DAB1: variants seen among roughly 807,000 people sequenced by gnomAD.
The protein encoded by DAB1 is DAB adaptor protein 1, also known as disabled homolog 1.
A neutral mutation model predicts 64.6 loss-of-function variants in DAB1; 15 were observed. The observed-to-expected ratio is 0.23, with a 90% CI of 0.16 to 0.36. DAB1 has a LOEUF of 0.36. Among genes scored for constraint, DAB1 ranks in the 10% least tolerant of loss-of-function variants. The probability of loss-of-function intolerance (pLI) is 1.00; values close to 1 mark genes in which losing one functional copy is unlikely to be tolerated. For missense variants in DAB1, 596 were observed against 706.7 expected (o/e 0.84, Z 1.78); for synonymous variants, 235 against 251.9 (o/e 0.93, Z 0.64).
chr1:58,043,734 A>AT (rs11440866), intron 5 of DAB1, among the ~76,000 whole-genome samples: 12,563 of 147,594 alleles, frequency 0.085, 1,576 homozygotes, highest in African/African-American at 0.28. Context: ...CACAACCCAC[A>AT]TTTTTTTTTT....
chr1:57,999,716 G>C (rs541364627), intron 5 of DAB1, among the ~76,000 whole-genome samples: 1 of 152,218 alleles, frequency 6.6e-6, no homozygotes, highest in East Asian at 1.9e-4. Context: ...GAATTTTCCA[G>C]CCCAAATGTC....
chr1:57,917,183 C>T (rs954152767), intron 5 of DAB1, among the ~76,000 whole-genome samples: 6 of 152,150 alleles, frequency 3.9e-5, no homozygotes, highest in African/African-American at 1.4e-4. Context: ...TGTTCCCCTC[C>T]CCTCCCCATG....
chr1:57,387,694 C>T (rs185623861), intron 1 of DAB1, among the ~76,000 whole-genome samples: 87 of 152,040 alleles, frequency 5.7e-4, no homozygotes, highest in Non-Finnish European at 7.9e-4. Context: ...TGGTGGCGCA[C>T]ACCTGTAGTC....
chr1:58,117,344 T>A (rs1346995155), intron 5 of DAB1, among the ~76,000 whole-genome samples: 3 of 152,214 alleles, frequency 2.0e-5, no homozygotes, highest in Non-Finnish European at 4.4e-5. Context: ...AGAATCAGAA[T>A]AATTATTCCA....
chr1:57,785,541 C>T (rs1180678357), intron 6 of DAB1, among the ~76,000 whole-genome samples: 1 of 152,092 alleles, frequency 6.6e-6, no homozygotes, highest in Admixed American at 6.6e-5. Flanking sequence ...TTCCAGCCTT[C>T]ATGGATGACT....
At chr1:57,989,481 G>C (rs1052329369) in intron 5 of DAB1, among the ~76,000 whole-genome samples, 3 of 152,140 alleles carry the variant, frequency 2.0e-5, no homozygotes, top group Non-Finnish European at 4.4e-5. Flanking sequence ...ATGCCAAACA[G>C]CATGACTCCT....
chr1:58,468,621 G>C (rs1378233294), intron 3 of DAB1: 17 of 152,474 alleles, frequency 1.1e-4, no homozygotes, highest in Admixed American at 1.0e-3. Flanking sequence ...GGAGGAGGCA[G>C]AGAGAGCCTT....
At chr1:57,392,828 G>T (rs1682495521) in intron 1 of DAB1, among the ~76,000 whole-genome samples, 1 of 152,166 alleles carries the variant, frequency 6.6e-6, no homozygotes, top group Admixed American at 6.5e-5. Flanking sequence ...TGGAGATGGG[G>T]ACAGTAGAAT....
chr1:58,222,662 A>C (rs963826409), intron 4 of DAB1, among the ~76,000 whole-genome samples: 4 of 152,226 alleles, frequency 2.6e-5, no homozygotes, highest in Admixed American at 1.3e-4. Context: ...CACAGCTAAT[A>C]AGAGGCAGAG....
intron 3 of DAB1, among the ~76,000 whole-genome samples, chr1:58,405,646 T>C (rs945286718): frequency 4.6e-5 from 7 of 152,206 alleles, no homozygotes; most frequent in African/African-American, 1.7e-4. Flanking sequence ...TAATTGTTTA[T>C]TTTAAGGCCA....
chr1:57,040,188 G>A (rs1570570641), intron 9 of DAB1, among the ~76,000 whole-genome samples: 2 of 151,980 alleles, frequency 1.3e-5, no homozygotes, highest in African/African-American at 2.4e-5. Context: ...ACCCTACATC[G>A]TGGGGTTGGG....
upstream of DAB1, among the ~76,000 whole-genome samples, chr1:57,886,049 CA>C (rs1285996814): frequency 6.6e-6 from 1 of 152,164 alleles, no homozygotes; most frequent in African/African-American, 2.4e-5. Flanking sequence ...ATTTTCCAGT[CA>C]GCTTTCATCT....
chr1:57,644,817 T>C (rs1314744551), intron 7 of DAB1, among the ~76,000 whole-genome samples: 1 of 152,072 alleles, frequency 6.6e-6, no homozygotes, highest in African/African-American at 2.4e-5. Context: ...GGGCAAGCCA[T>C]TAGGAAGGGA....
rs547570052 is a variant in DAB1 at position 57,456,112 on chromosome 1, T to C, written n.626-164946A>G. On this transcript the variant is annotated intron_variant and non_coding_transcript_variant, in intron 7 of 20. Coordinates refer to the DAB1 transcript ENST00000485760. ...TCATTTCCCTGTAACATCCACCTAT[T>C]GTCACTAGGTCTGTTTCCTAGGATC... Among the ~76,000 whole-genome samples, 15 of 152,294 alleles carry C rather than the reference T, an allele frequency of 9.8e-5. No individual in the cohort carries two copies. In the South Asian group the frequency reaches 2.7e-3, roughly 27 times the overall value.
intron 2 of DAB1, among the ~76,000 whole-genome samples, chr1:57,235,046 G>A (rs1390181111): frequency 6.6e-6 from 1 of 152,160 alleles, no homozygotes; most frequent in African/African-American, 2.4e-5. Context: ...GGTAAACTTT[G>A]CCCTGTAACA....
intron 6 of DAB1, among the ~76,000 whole-genome samples, chr1:57,703,877 T>A (rs1646935689): frequency 6.6e-6 from 1 of 152,162 alleles, no homozygotes; most frequent in Admixed American, 6.5e-5. Context: ...TGAGATCATG[T>A]CCTTTGCAGG....
At chr1:57,198,647 TCTCACACACA>T (rs1664830689) in intron 2 of DAB1, among the ~76,000 whole-genome samples, 1 of 112,850 alleles carries the variant, frequency 8.9e-6, no homozygotes, top group African/African-American at 3.1e-5. Flanking sequence ...ATCTTCTCTC[TCTCACACACA>T]CACACACACA....
chr1:58,133,104 A>G (rs1453363423), intron 5 of DAB1, among the ~76,000 whole-genome samples: 2 of 152,162 alleles, frequency 1.3e-5, no homozygotes, highest in South Asian at 2.1e-4. Context: ...GATTCTTGGC[A>G]TCAAAGCTGC....
chr1:57,154,007 G>A (rs1458437654), intron 2 of DAB1, among the ~76,000 whole-genome samples: 1 of 152,130 alleles, frequency 6.6e-6, no homozygotes, highest in Non-Finnish European at 1.5e-5. Flanking sequence ...ATCACATCAT[G>A]GAGAATGGAG....
Sources: gnomAD v4.1 joint callset for allele counts (sites outside exome capture counted in the v4.1 genomes callset) on GRCh38, gnomAD v4.1.1 for gene constraint, MANE v1.5 for transcripts, NCBI Gene and HGNC (gene_info 2026-07-23, HGNC 2026-07-21) for gene names.